Variants in ENTPD1 observed in about 807,000 individuals in gnomAD.
ENTPD1 encodes the protein ectonucleoside triphosphate diphosphohydrolase 1.
In ENTPD1, 33 loss-of-function variants were observed where a neutral mutation model predicts 57.0. The ratio of observed to expected loss-of-function variants is 0.58; its 90% CI spans 0.44 to 0.77. The LOEUF (loss-of-function observed/expected upper bound fraction) is 0.77. Ranked by LOEUF, ENTPD1 falls within the 30% of genes least tolerant of loss-of-function variation. The pLI, the probability that ENTPD1 is intolerant of heterozygous loss-of-function variation, is 0.00. For missense variants in ENTPD1, 501 were observed against 603.4 expected, an observed-to-expected ratio of 0.83 and a Z score of 1.78; for synonymous variants, 202 against 218.8, an observed-to-expected ratio of 0.92 and a Z score of 0.68.
chr10:95,739,002 T>C (rs927594482), intron 1 of ENTPD1, among the ~76,000 whole-genome samples: 6 of 152,330 alleles, frequency 3.9e-5, no homozygotes, highest in Admixed American at 3.3e-4. Flanking sequence ...ATATAAAAAT[T>C]ATGTTTACAT....
intron 2 of ENTPD1, among the ~76,000 whole-genome samples, chr10:95,825,378 CT>C (rs1212549511): frequency 1.3e-5 from 2 of 152,170 alleles, no homozygotes; most frequent in African/African-American, 2.4e-5. Flanking sequence ...AACAAAAAAA[CT>C]TTTTTTCTTG....
At chr10:95,810,386 G>C (rs1487486343) in intron 1 of ENTPD1, among the ~76,000 whole-genome samples, 1 of 149,394 alleles carries the variant, frequency 6.7e-6, no homozygotes, top group Non-Finnish European at 1.5e-5. Context: ...GCCGGGCAGA[G>C]GTGCTCCTCA....
intron 1 of ENTPD1, among the ~76,000 whole-genome samples, chr10:95,736,001 G>GTT (rs35402062): frequency 0.34 from 45,591 of 134,144 alleles, 8,798 homozygotes; most frequent in Admixed American, 0.43. Flanking sequence ...CATTTTCAAA[G>GTT]TTTTTTTTTT....
chr10:95,695,528 A>G, the ENTPD1 span, among the ~76,000 whole-genome samples: 1 of 152,140 alleles, frequency 6.6e-6, no homozygotes, highest in East Asian at 1.9e-4. Flanking sequence ...TTATTTTCTA[A>G]TGTTTTGAAG....
At chr10:95,756,971 T>C (rs1364655628) in intron 1 of ENTPD1, among the ~76,000 whole-genome samples, 3 of 152,174 alleles carry the variant, frequency 2.0e-5, no homozygotes, top group East Asian at 1.9e-4. Context: ...TGGTGTGCAG[T>C]CTCTATCTTT....
intron 1 of ENTPD1, among the ~76,000 whole-genome samples, chr10:95,813,851 A>C (rs1345998411): frequency 1.3e-5 from 2 of 152,184 alleles, no homozygotes; most frequent in African/African-American, 2.4e-5. Flanking sequence ...ACAAGACAAG[A>C]CTATAAGGCT....
At chr10:95,845,899 T>G (rs950293768) in intron 6 of ENTPD1, 7 of 410,650 alleles carry the variant, frequency 1.7e-5, no homozygotes. Flanking sequence ...TATTGTTTGT[T>G]GGAGGGGGAA....
At chr10:95,738,362 G>A (rs1432486122) in intron 1 of ENTPD1, among the ~76,000 whole-genome samples, 1 of 152,126 alleles carries the variant, frequency 6.6e-6, no homozygotes, top group African/African-American at 2.4e-5. Context: ...TACCAGGATG[G>A]GGTAATTGTC....
chr10:95,756,056 T>C, upstream of ENTPD1: 3 of 1,485,836 alleles, frequency 2.0e-6, no homozygotes, highest in Non-Finnish European at 2.7e-6. Context: ...TTCTAGTCAA[T>C]GAAAAAGACA....
intron 1 of ENTPD1, among the ~76,000 whole-genome samples, chr10:95,743,997 CATATATATATATATATATATATAT>C (rs57187898): frequency 1.5e-4 from 12 of 80,998 alleles, no homozygotes; most frequent in East Asian, 9.1e-4. Flanking sequence ...TATTTTAAAC[CATATATATATATATATATATATAT>C]ATATATATAT....
intron 1 of ENTPD1, among the ~76,000 whole-genome samples, chr10:95,761,700 G>C (rs188709050): frequency 2.0e-5 from 3 of 152,302 alleles, no homozygotes; most frequent in African/African-American, 4.8e-5. Context: ...TACACAAAAA[G>C]GCCTTGTGTT....
chr10:95,758,888 AC>A lies in ENTPD1; in HGVS notation c.16+2635del, dbSNP rs1287448162. ...ATGGTTAAGGTGTCAGGTTTCAATGACCTTCTCCATGAGGTCTGTGAGGTCC... is the reference window on the plus strand; with the variant it reads ...ATGGTTAAGGTGTCAGGTTTCAATGACTTCTCCATGAGGTCTGTGAGGTCC... On this transcript the variant is annotated intron_variant, in intron 1 of 9. Coordinates refer to ENST00000371205, the MANE Select transcript of ENTPD1 (RefSeq NM_001776.6). Among the ~76,000 whole-genome samples, 3 of 152,248 alleles carry A rather than the reference AC, an allele frequency of 2.0e-5. No individual in the cohort carries two copies. In the East Asian group the frequency reaches 5.8e-4, roughly 29 times the overall value.
intron 1 of ENTPD1, among the ~76,000 whole-genome samples, chr10:95,821,976 C>G (rs1479194247): frequency 6.8e-6 from 1 of 146,810 alleles, no homozygotes; most frequent in Non-Finnish European, 1.5e-5. Context: ...CTGTTTACAT[C>G]TGACCAAAGT....
intron 1 of ENTPD1, among the ~76,000 whole-genome samples, chr10:95,758,010 AAAAAAAAAAAAAAAAAAAAAG>A (rs2098036741): frequency 8.4e-6 from 1 of 118,924 alleles, no homozygotes; most frequent in African/African-American, 4.5e-5. Context: ...CTCAAAAAAA[AAAAAAAAAAAAAAAAAAAAAG>A]ATTTGGACTG....
the ENTPD1 span, among the ~76,000 whole-genome samples, chr10:95,704,134 T>G: frequency 6.6e-6 from 1 of 152,078 alleles, no homozygotes; most frequent in Non-Finnish European, 1.5e-5. Flanking sequence ...ATATAATATT[T>G]CTGAGAGGAA....
chr10:95,806,564 G>C (rs10786238), intron 1 of ENTPD1, among the ~76,000 whole-genome samples: 11,596 of 152,216 alleles, frequency 0.076, 913 homozygotes, highest in African/African-American at 0.18. Context: ...GAGGAGAAGA[G>C]GTGCTCTGGT....
At chr10:95,800,984 TGATTGGG>T (rs2098247031) in intron 1 of ENTPD1, among the ~76,000 whole-genome samples, 1 of 152,174 alleles carries the variant, frequency 6.6e-6, no homozygotes, top group African/African-American at 2.4e-5. Flanking sequence ...ATAAGAGTAT[TGATTGGG>T]GAAGTGGTAA....
intron 1 of ENTPD1, among the ~76,000 whole-genome samples, chr10:95,794,541 A>T (rs1175290197): frequency 1.3e-5 from 2 of 152,112 alleles, no homozygotes; most frequent in Non-Finnish European, 2.9e-5. Flanking sequence ...TTGAGATGGG[A>T]CCCCAGAGTT....
At chr10:95,749,434 A>G (rs1037102624) in intron 1 of ENTPD1, among the ~76,000 whole-genome samples, 1 of 152,234 alleles carries the variant, frequency 6.6e-6, no homozygotes, top group East Asian at 1.9e-4. Context: ...ACTTAAAGTT[A>G]GCTCCTGAAT....
Sources: allele counts gnomAD v4.1 joint callset (sites outside exome capture counted in the v4.1 genomes callset), GRCh38; gene constraint gnomAD v4.1.1; transcripts MANE v1.5; gene names NCBI Gene and HGNC (gene_info 2026-07-23, HGNC 2026-07-21).